The following PAM variants were observed in gnomAD, a reference collection of about 807,000 sequenced individuals.
PAM encodes peptidylglycine alpha-amidating monooxygenase, also known as peptidyl-glycine alpha-amidating monooxygenase.
Under a neutral mutation model 122.1 loss-of-function variants are expected in PAM, and 72 were observed. That is an observed-to-expected ratio of 0.59 (90% CI 0.49 to 0.72). The LOEUF (loss-of-function observed/expected upper bound fraction) is 0.72. Ranked by LOEUF, PAM falls within the 30% of genes least tolerant of loss-of-function variation. The pLI, the probability that PAM is intolerant of heterozygous loss-of-function variation, is 0.00. For missense variants in PAM, 1,106 were observed against 1,183.7 expected (o/e 0.93, Z 0.96); for synonymous variants, 389 against 404.4 (o/e 0.96, Z 0.46).
intron 1 of PAM, among the ~76,000 whole-genome samples, chr5:102,815,382 T>C (rs1444420295): frequency 2.6e-5 from 4 of 152,160 alleles, no homozygotes; most frequent in Admixed American, 6.6e-5. Flanking sequence ...AAAATGTTTT[T>C]GAGTGTTTTA....
At chr5:102,947,947 G>C (rs1247768720) in intron 8 of PAM, among the ~76,000 whole-genome samples, 1 of 152,174 alleles carries the variant, frequency 6.6e-6, no homozygotes, top group Non-Finnish European at 1.5e-5. Flanking sequence ...TTGCATTCTT[G>C]AGTCCAAAGG....
chr5:102,874,239 A>C (rs116597949), intron 3 of PAM, among the ~76,000 whole-genome samples: 1,852 of 152,270 alleles, frequency 0.012, 50 homozygotes, highest in African/African-American at 0.041. Flanking sequence ...AATACATGTC[A>C]AAATCTCAGA....
chr5:102,981,872 T>C (rs1444647804), intron 15 of PAM, among the ~76,000 whole-genome samples: 5 of 152,190 alleles, frequency 3.3e-5, no homozygotes, highest in Admixed American at 2.6e-4. Context: ...GAATGACTTA[T>C]CCATCTGTTG....
In PAM at chr5:103,027,714, A is replaced by C. The variant is rs115721823; in HGVS notation, c.2690-471A>C. 2.6e-3 allele frequency among the ~76,000 whole-genome samples: 402 copies of C among 152,366 alleles called. 6 individuals are homozygous for C. Among genetic ancestry groups the C allele is most frequent in the Admixed American group, 8.0e-3 (122 of 15,304 alleles). On this transcript the variant is annotated intron_variant, in intron 24 of 25. Transcript: ENST00000438793. ...AGCAAGATACGTACTGTCAGTAGAAAGAGTAAAGCTGAAGGCAAATATCCC... is the reference window on the plus strand; with the variant it reads ...AGCAAGATACGTACTGTCAGTAGAACGAGTAAAGCTGAAGGCAAATATCCC...
At chr5:102,795,189 C>CAAAAAAAAAAAAAAAAAAAAAAAA (rs33988105) in intron 1 of PAM, among the ~76,000 whole-genome samples, 7 of 59,656 alleles carry the variant, frequency 1.2e-4, no homozygotes, top group East Asian at 1.3e-3. Context: ...GACAATGTCT[C>CAAAAAAAAAAAAAAAAAAAAAAAA]AAAAAAAAAA....
chr5:102,801,772 ATTTTTTTTTTT>A (rs36068804), intron 1 of PAM, among the ~76,000 whole-genome samples: 28 of 99,000 alleles, frequency 2.8e-4, no homozygotes, highest in Non-Finnish European at 3.9e-4. Flanking sequence ...GGGAAAAGGT[ATTTTTTTTTTT>A]TTTTTTTTTT....
At chr5:102,910,381 C>G (rs35100629) in intron 4 of PAM, among the ~76,000 whole-genome samples, 40,582 of 151,644 alleles carry the variant, frequency 0.27, 5,816 homozygotes, top group East Asian at 0.43. Context: ...TTTGAGAAAC[C>G]CTCCAACCTC....
intron 12 of PAM, among the ~76,000 whole-genome samples, chr5:102,955,541 C>T (rs1760426657): frequency 6.6e-6 from 1 of 152,058 alleles, no homozygotes; most frequent in Non-Finnish European, 1.5e-5. Flanking sequence ...CAGGCTCACA[C>T]ATTATGTCAG....
intron 3 of PAM, among the ~76,000 whole-genome samples, chr5:102,874,699 C>T (rs533446321): frequency 1.1e-4 from 17 of 152,028 alleles, no homozygotes; most frequent in Admixed American, 1.3e-4. Flanking sequence ...TCCTTATGAT[C>T]ACCTATTTTC....
At chr5:103,012,661 T>C (rs1780950107) in intron 21 of PAM, among the ~76,000 whole-genome samples, 3 of 152,080 alleles carry the variant, frequency 2.0e-5, no homozygotes, top group Non-Finnish European at 4.4e-5. Flanking sequence ...GAGACCATCC[T>C]GGCTAACACG....
In PAM at chr5:102,865,870, CCT is replaced by C. The variant is rs1254284767; in HGVS notation, c.-325_-324del. The stretch of plus-strand genomic sequence containing the variant: ...GGTTTGGGTGATACCCCTCACAGCC[CCT>C]GTCATTCCGGAGTCATAAGGCACCC... On this transcript the variant is annotated 5_prime_UTR_variant, in exon 2 of 26. An upstream open reading frame in the 5' UTR loses its in-frame stop. Coordinates refer to ENST00000438793, the MANE Select transcript of PAM (RefSeq NM_001177306.2). The C allele has an allele frequency of 1.6e-5, 5 of 303,064 alleles. No homozygotes were observed. The highest frequency in any genetic ancestry group is 2.4e-5 in the Non-Finnish European group (4 of 167,184). The allele number at this position is 303,064 out of a possible 1,614,324, so 18.8% of individuals were successfully genotyped here. A position where few individuals can be genotyped will look rare whatever the true frequency, so the allele number is the denominator to read the frequency against.
At chr5:102,766,183 A>G (rs1009316147) in intron 1 of PAM, among the ~76,000 whole-genome samples, 19 of 152,128 alleles carry the variant, frequency 1.2e-4, no homozygotes, top group African/African-American at 4.6e-4. Context: ...GGGTGGAGGA[A>G]GGTTTTGGGG....
At chr5:102,835,855 T>G (rs3909477) in intron 1 of PAM, among the ~76,000 whole-genome samples, 11,792 of 152,202 alleles carry the variant, frequency 0.077, 777 homozygotes, top group African/African-American at 0.17. Flanking sequence ...AGGGAGAGAT[T>G]GCAGAAATTG....
Position 103,006,780 on chromosome 5 carries a change from C to A in PAM, c.1804-21C>A, listed in dbSNP as rs774069378. On this transcript the variant is annotated intron_variant, in intron 18 of 25. Transcript: ENST00000438793. ...TAATAACCATGAAAAGTAGGTAAGG[C>A]TTTTGTTCCTTTTTAAAAAGGTGTT... 3 of 1,567,510 alleles carry A rather than the reference C, an allele frequency of 1.9e-6. No homozygotes were observed. The South Asian group carries it at 3.4e-5, about 18-fold the overall frequency.
In PAM at chr5:102,995,604, A is replaced by G. The variant is rs533119221; in HGVS notation, c.1613+5203A>G. On this transcript the variant is annotated intron_variant, in intron 16 of 25. Transcript: ENST00000438793. ...GCTTTAATAATTATCTCATACTGTT[A>G]AGTAACAAAATGCACCTTGTTAAGT... Among the ~76,000 whole-genome samples, 265 of 152,224 alleles carry G rather than the reference A, an allele frequency of 1.7e-3. 4 individuals are homozygous for G. Among genetic ancestry groups the G allele is most frequent in the African/African-American group, 6.1e-3 (252 of 41,558 alleles).
intron 21 of PAM, among the ~76,000 whole-genome samples, chr5:103,013,586 A>G (rs1429979371): frequency 1.3e-5 from 2 of 152,148 alleles, no homozygotes; most frequent in African/African-American, 4.8e-5. Flanking sequence ...TAAGACTTCC[A>G]GTACTATGTT....
rs201706500 is a variant in PAM, at chr5:103,028,905, T to A, written c.2762T>A (p.Leu921Ter). 9.3e-6 allele frequency: 15 copies of A among 1,611,214 alleles called. No homozygotes were observed. The highest frequency in any genetic ancestry group is 1.3e-5 in the Non-Finnish European group (15 of 1,179,024). ...GRFRGKGSGG[L>*]NLGNFFASRK... ...TTTTCAGGAAAGGGAAGTGGAGGCT[T>A]AAACCTTGGTAATTTCTTTGCAAGC... Residue 921 changes from leucine to a stop codon, truncating the protein, a stop_gained, in exon 26 of 26, where the codon TTA (leucine) becomes TAA (stop). Coordinates refer to ENST00000438793, the MANE Select transcript of PAM (RefSeq NM_001177306.2). LOFTEE classifies it high-confidence loss of function.
At chr5:102,758,301 C>T (rs982891922) in intron 1 of PAM, among the ~76,000 whole-genome samples, 3 of 151,842 alleles carry the variant, frequency 2.0e-5, no homozygotes, top group Admixed American at 1.3e-4. Flanking sequence ...TTTGATTGGA[C>T]TCTCACATTA....
At chr5:102,998,307 G>A (rs1776315192) in intron 16 of PAM, among the ~76,000 whole-genome samples, 1 of 152,184 alleles carries the variant, frequency 6.6e-6, no homozygotes, top group South Asian at 2.1e-4. Flanking sequence ...GAGAAACCAT[G>A]GGGGCAAGTA....
Sources: gnomAD v4.1 joint callset for allele counts (sites outside exome capture counted in the v4.1 genomes callset) on GRCh38, gnomAD v4.1.1 for gene constraint, MANE v1.5 for transcripts, NCBI Gene and HGNC (gene_info 2026-07-23, HGNC 2026-07-21) for gene names.